Variants in PCDHA12 observed in about 807,000 individuals in gnomAD.
PCDHA12 encodes the protein protocadherin alpha 12, also known as protocadherin alpha-12.
In PCDHA12, 44 loss-of-function variants were observed where a neutral mutation model predicts 60.0. The ratio of observed to expected loss-of-function variants is 0.73; its 90% confidence interval spans 0.58 to 0.94. The LOEUF is 0.94. Ranked by LOEUF, PCDHA12 falls within the 40% of genes least tolerant of loss-of-function variation. The probability of loss-of-function intolerance (pLI) is 0.00; values close to 1 mark genes in which losing one functional copy is unlikely to be tolerated. For synonymous variants in PCDHA12, 569 were observed against 553.0 expected (o/e 1.03, Z -0.40); for missense variants, 1,276 against 1,239.7 (o/e 1.03, Z -0.44).
chr5:140,998,565 A>G, intron 3 of PCDHA12, among the ~76,000 whole-genome samples: 1 of 113,790 alleles, frequency 8.8e-6, no homozygotes. Context: ...TTTATTGTAA[A>G]TAAGTTTTTT....
At chr5:140,916,596 G>A (rs1482287916) in intron 1 of PCDHA12, among the ~76,000 whole-genome samples, 3 of 152,194 alleles carry the variant, frequency 2.0e-5, no homozygotes, top group Non-Finnish European at 4.4e-5. Context: ...GCTAGGGCCT[G>A]GAATGCGGGC....
intron 1 of PCDHA12, chr5:140,883,651 G>T: frequency 6.2e-7 from 1 of 1,613,652 alleles, no homozygotes. Context: ...CCGAGTACAC[G>T]GTGTTCGTGA....
chr5:140,933,715 G>C (rs1292658358), intron 1 of PCDHA12, among the ~76,000 whole-genome samples: 1 of 151,902 alleles, frequency 6.6e-6, no homozygotes, highest in Non-Finnish European at 1.5e-5. Flanking sequence ...ACTGAGATTG[G>C]TGATACAGCT....
intron 2 of PCDHA12, among the ~76,000 whole-genome samples, chr5:140,980,357 C>T (rs191882864): frequency 1.6e-3 from 239 of 152,238 alleles, no homozygotes; most frequent in Middle Eastern, 6.8e-3. Flanking sequence ...CTGGACTGGG[C>T]GCGGTGGCTC....
intron 1 of PCDHA12, among the ~76,000 whole-genome samples, chr5:140,894,820 C>A (rs149254580): frequency 3.2e-4 from 49 of 152,072 alleles, no homozygotes; most frequent in African/African-American, 1.2e-3. Flanking sequence ...ATCAGATTTG[C>A]CCATAATCCT....
intron 1 of PCDHA12, among the ~76,000 whole-genome samples, chr5:140,921,904 T>A (rs1554200513): frequency 1.3e-5 from 2 of 151,968 alleles, no homozygotes; most frequent in African/African-American, 4.8e-5. Flanking sequence ...GATAAATATA[T>A]ATTACATGAT....
At chr5:140,965,312 C>G (rs543157988) in intron 1 of PCDHA12, among the ~76,000 whole-genome samples, 1 of 152,258 alleles carries the variant, frequency 6.6e-6, no homozygotes, top group East Asian at 1.9e-4. Context: ...TCTACCTTCT[C>G]TTTTACTGAA....
chr5:140,942,120 A>G (rs2093234009), intron 1 of PCDHA12, among the ~76,000 whole-genome samples: 1 of 152,234 alleles, frequency 6.6e-6, no homozygotes, highest in South Asian at 2.1e-4. Flanking sequence ...ACTTTATTAA[A>G]GGTGATATTT....
chr5:140,936,435 TTAAA>T (rs1554210994), intron 1 of PCDHA12, among the ~76,000 whole-genome samples: 2 of 152,222 alleles, frequency 1.3e-5, no homozygotes, highest in African/African-American at 4.8e-5. Flanking sequence ...TAATTTAAGC[TTAAA>T]TAACCACATC....
chr5:140,883,712 G>A lies in PCDHA12; in HGVS notation c.2367+5873G>A, dbSNP rs372048294. On this transcript the variant is annotated intron_variant, in intron 1 of 3. Transcript: ENST00000398631. ...CATCTTCACGGTGTCTGCTCAGGAC[G>A]CGGACGCACAGGAGAACGCGCTGGT... 1.6e-5 allele frequency: 26 copies of A among 1,613,658 alleles called. No homozygotes were observed. The highest frequency in any genetic ancestry group is 2.2e-5 in the East Asian group (1 of 44,880).
At position 140,917,056 on chromosome 5, in the gene PCDHA12, T is replaced by C. The variant is rs539112715; in HGVS notation, c.2367+39217T>C. Among the ~76,000 whole-genome samples the C allele has an allele frequency of 5.9e-5, 9 of 152,280 alleles. No individual in the cohort carries two copies. The East Asian group carries it at 1.7e-3, about 29-fold the overall frequency. On this transcript the variant is annotated intron_variant, in intron 1 of 3. Transcript: ENST00000398631. ...AGTCCAGCACAGTGTTGTTCCCTGCTACGACAGCACCGAGTTTAATGTAAA... is the reference window on the plus strand; with the variant it reads ...AGTCCAGCACAGTGTTGTTCCCTGCCACGACAGCACCGAGTTTAATGTAAA...
intron 1 of PCDHA12, chr5:140,883,461 T>C: frequency 2.5e-6 from 4 of 1,614,144 alleles, no homozygotes; most frequent in Non-Finnish European, 3.4e-6. Context: ...TTCAAGCTGG[T>C]GTCCACCTAC....
intron 1 of PCDHA12, among the ~76,000 whole-genome samples, chr5:140,944,665 A>G (rs782357699): frequency 1.1e-4 from 17 of 152,138 alleles, no homozygotes; most frequent in Non-Finnish European, 2.5e-4. Flanking sequence ...CCCCTTATTT[A>G]TCTATTCTGT....
In PCDHA12 at chr5:141,011,628, A is replaced by G. The variant is rs568783669; in HGVS notation, c.*1691A>G. On this transcript the variant is annotated 3_prime_UTR_variant, in exon 4 of 4. Coordinates refer to ENST00000398631, the MANE Select transcript of PCDHA12 (RefSeq NM_018903.4). ...TTTATTTATGGTCCAGCCAAGAGCC[A>G]TCTCGTGCCAAGACTTCTGCTGGCA... is the stretch of plus-strand genomic sequence containing the variant. The G allele has an allele frequency of 6.5e-6, 1 of 153,882 alleles. No homozygotes were observed. Among genetic ancestry groups the G allele is most frequent in the East Asian group, 1.9e-4 (1 of 5,186 alleles). 9.5% of individuals were successfully genotyped at this position (153,882 alleles called of 1,614,324 possible).
intron 1 of PCDHA12, chr5:140,966,707 A>G (rs539562297): frequency 7.2e-7 from 1 of 1,379,868 alleles, no homozygotes; most frequent in Admixed American, 3.5e-5. Context: ...GGCGTGGGGC[A>G]CGGCTGGGGA....
chr5:140,877,697 C>T lies in PCDHA12; in HGVS notation c.2225C>T (p.Ser742Phe), dbSNP rs2057290837. ...CAPGKPTLVC[S>F]SAVGSWSYSQ... ...CCGGGCAAGCCCACGCTGGTGTGCT[C>T]CAGCGCCGTGGGGAGTTGGTCTTAC... is the stretch of plus-strand genomic sequence containing the variant. The change falls in exon 1 of 4, where the codon TCC becomes TTC. Residue 742 changes from serine (S) to phenylalanine (F), a missense_variant. Physicochemically the swap from Ser to Phe is radical, Grantham distance 155. Transcript: ENST00000398631. 15 of 1,613,794 alleles carry T rather than the reference C, an allele frequency of 9.3e-6. No homozygotes were observed. Among genetic ancestry groups the T allele is most frequent in the Non-Finnish European group, 1.3e-5 (15 of 1,179,978 alleles).
At chr5:140,928,914 A>C in intron 1 of PCDHA12, 2 of 1,614,136 alleles carry the variant, frequency 1.2e-6, no homozygotes, top group Non-Finnish European at 1.7e-6. Flanking sequence ...GGGAACCAGG[A>C]GGGCAGCTTT....
chr5:141,006,404 G>A (rs1001810745), intron 3 of PCDHA12, among the ~76,000 whole-genome samples: 2 of 151,938 alleles, frequency 1.3e-5, no homozygotes, highest in East Asian at 1.9e-4. Flanking sequence ...TAGTAGAGAC[G>A]CGGTTTCACT....
At chr5:141,000,421 A>ATATTTTTTTTTTT (rs1265241806) in intron 3 of PCDHA12, among the ~76,000 whole-genome samples, 1 of 27,968 alleles carries the variant, frequency 3.6e-5, no homozygotes, top group African/African-American at 1.8e-4. Flanking sequence ...ATATATATAT[A>ATATTTTTTTTTTT]TTTTTTTTTT....
Sources: gnomAD v4.1 joint callset for allele counts (sites outside exome capture counted in the v4.1 genomes callset) on GRCh38, gnomAD v4.1.1 for gene constraint, MANE v1.5 for transcripts, NCBI Gene and HGNC (gene_info 2026-07-23, HGNC 2026-07-21) for gene names.